CLPTM1L: variants seen among roughly 807,000 people sequenced by gnomAD.
CLPTM1L encodes lipid scramblase CLPTM1L.
A neutral mutation model predicts 70.9 loss-of-function variants in CLPTM1L; 38 were observed. The observed-to-expected ratio is 0.54, with a 90% CI of 0.41 to 0.70. CLPTM1L has a LOEUF of 0.70. Ranked by LOEUF, CLPTM1L falls within the 30% of genes least tolerant of loss-of-function variation. The pLI, the probability that CLPTM1L is intolerant of heterozygous loss-of-function variation, is 0.00. For synonymous variants in CLPTM1L, 339 were observed against 299.9 expected (o/e 1.13, Z -1.35); for missense variants, 652 against 705.9 (o/e 0.92, Z 0.87).
intron 10 of CLPTM1L, chr5:1,325,134 G>A (rs2126726363): frequency 4.6e-6 from 2 of 430,378 alleles, no homozygotes; most frequent in East Asian, 7.9e-5. Flanking sequence ...AGCCAACACT[G>A]CTCCGAACCA....
At chr5:1,337,338 A>G (rs1301359996) in intron 5 of CLPTM1L, among the ~76,000 whole-genome samples, 1 of 152,228 alleles carries the variant, frequency 6.6e-6, no homozygotes, top group Non-Finnish European at 1.5e-5. Flanking sequence ...CAAAGCAACT[A>G]TGGGAGAGCA....
Position 1,342,009 on chromosome 5 carries a change from C to CGTGT in CLPTM1L, c.264-153_264-150dup, listed in dbSNP as rs71598674. 4,822 of 502,528 alleles carry CGTGT rather than the reference C, an allele frequency of 9.6e-3. 27 individuals are homozygous for CGTGT. The highest frequency in any genetic ancestry group is 0.022 in the African/African-American group (889 of 40,166). The allele number at this position is 502,528 out of a possible 1,614,324, so 31.1% of individuals were successfully genotyped here. ...CCCACCTGCCCAGGGCTTTACGAGTCGTGTGTGTGTGTGTGTGTGTGTGTG... is the reference window on the plus strand; with the variant it reads ...CCCACCTGCCCAGGGCTTTACGAGTCGTGTGTGTGTGTGTGTGTGTGTGTGTGTG... On this transcript the variant is annotated intron_variant, in intron 2 of 16. Transcript: ENST00000320895. This position sits in a 1 kb window ranked among gnomAD's most constrained non-coding sequence, Gnocchi z 4.3.
intron 13 of CLPTM1L, among the ~76,000 whole-genome samples, chr5:1,322,473 G>A (rs1223426590): frequency 2.0e-5 from 3 of 152,354 alleles, no homozygotes; most frequent in East Asian, 3.9e-4. Context: ...GGAACCAGAC[G>A]TGGATGGTGT....
Position 1,344,548 on chromosome 5 carries a change from G to A in CLPTM1L, c.163-97C>T, listed in dbSNP as rs1754154032. Reference sequence around the variant, plus strand: ...CTGGAGGGCGGAAGACCTGGCCGCTGGGGAACCAGGAAAGGTTCCATCTCG... The same window carrying A: ...CTGGAGGGCGGAAGACCTGGCCGCTAGGGAACCAGGAAAGGTTCCATCTCG... On this transcript the variant is annotated intron_variant, in intron 1 of 16. Coordinates refer to ENST00000320895, the MANE Select transcript of CLPTM1L (RefSeq NM_030782.5). The A allele has an allele frequency of 7.6e-6, 11 of 1,452,194 alleles. No homozygotes were observed. In the South Asian group the frequency reaches 9.5e-5, roughly 13 times the overall value. The allele number at this position is 1,452,194 out of a possible 1,614,324, so 90.0% of individuals were successfully genotyped here. A position where few individuals can be genotyped will look rare whatever the true frequency, so the allele number is the denominator to read the frequency against.
At chr5:1,338,553 T>TA (rs753211097) in intron 4 of CLPTM1L, among the ~76,000 whole-genome samples, 40 of 152,292 alleles carry the variant, frequency 2.6e-4, no homozygotes, top group Admixed American at 1.2e-3. Flanking sequence ...TAAGCCAAGT[T>TA]AAAAAATCAC....
intron 5 of CLPTM1L, among the ~76,000 whole-genome samples, chr5:1,335,707 G>A (rs921343393): frequency 2.6e-5 from 4 of 152,242 alleles, no homozygotes; most frequent in Non-Finnish European, 5.9e-5. Context: ...GGGCAGTAGG[G>A]TGGATGTGTA....
At chr5:1,339,606 C>T (rs1329183265) in intron 3 of CLPTM1L, among the ~76,000 whole-genome samples, 3 of 108,324 alleles carry the variant, frequency 2.8e-5, no homozygotes, top group African/African-American at 8.1e-5. Context: ...GTGAAGAGAA[C>T]GGCCACACAG....
chr5:1,341,916 C>G, intron 2 of CLPTM1L, 56 bp from the exon 3 acceptor site: 1 of 1,403,848 alleles, frequency 7.1e-7, no homozygotes, highest in Non-Finnish European at 9.8e-7. Context: ...GTCTCTAGAA[C>G]CTATTCAAAT....
intron 16 of CLPTM1L, 194 bp downstream of exon 16, chr5:1,320,422 C>T (rs1010060293): frequency 8.0e-5 from 38 of 472,158 alleles, no homozygotes; most frequent in Non-Finnish European, 1.2e-4. Flanking sequence ...AGAGCTGGAA[C>T]AGTTTCTTGC....
rs1475413712 is a variant in CLPTM1L, at chr5:1,318,234, G to T, written c.*135C>A. 5 of 685,072 alleles carry T rather than the reference G, an allele frequency of 7.3e-6. No homozygotes were observed. The highest frequency in any genetic ancestry group is 1.3e-5 in the Non-Finnish European group (5 of 394,242). 42.4% of individuals were successfully genotyped at this position (685,072 alleles called of 1,614,324 possible). ...TCCAAATCTGACGTGATGGGAACTT[G>T]GGAGATGTCTGAGAAATGTCCGAAG... On this transcript the variant is annotated 3_prime_UTR_variant, in exon 17 of 17. Coordinates refer to ENST00000320895, the MANE Select transcript of CLPTM1L (RefSeq NM_030782.5). This position sits in a 1 kb window ranked among gnomAD's most constrained non-coding sequence, Gnocchi z 8.9.
At position 1,324,764 on chromosome 5, in the gene CLPTM1L, T is replaced by C. The variant is rs1425840831; in HGVS notation, c.1196A>G (p.Gln399Arg). ...SERKTEEYDT[Q>R]AMKYLSYLLY... ...TGCCCTGAATCACAAGTGACTTACC[T>C]GAGTATCGTACTCCTCGGTTTTCCT... Residue 399 changes from glutamine to arginine, a missense_variant and splice_region_variant, in exon 11 of 17, where the codon CAG (glutamine) becomes CGG (arginine). By Grantham distance (43) the Gln-to-Arg change is conservative. This residue lies in a region of CLPTM1L where 240 missense variants were observed against 295.0 expected (regional missense o/e 0.81). Coordinates refer to ENST00000320895, the MANE Select transcript of CLPTM1L (RefSeq NM_030782.5). The C allele has an allele frequency of 6.2e-7, 1 of 1,614,030 alleles. No homozygotes were observed. The highest frequency in any genetic ancestry group is 1.7e-5 in the Admixed American group (1 of 60,034).
At chr5:1,334,250 C>A (rs373598835) in intron 7 of CLPTM1L, 39 bp downstream of exon 7, 12 of 1,535,574 alleles carry the variant, frequency 7.8e-6, no homozygotes, top group Non-Finnish European at 1.1e-5. Flanking sequence ...CAGGGAGCCC[C>A]CCAAGTGCCT....
At chr5:1,336,447 A>G (rs1210355868) in intron 5 of CLPTM1L, among the ~76,000 whole-genome samples, 2 of 152,206 alleles carry the variant, frequency 1.3e-5, no homozygotes, top group African/African-American at 2.4e-5. Flanking sequence ...CTCTAACAAG[A>G]CAGATCTGCA....
In CLPTM1L at chr5:1,338,960, C is replaced by A. The variant is rs1294003308; in HGVS notation, c.499G>T (p.Val167Leu). 2 of 1,613,422 alleles carry A rather than the reference C, an allele frequency of 1.2e-6. No homozygotes were observed. The highest frequency in any genetic ancestry group is 1.7e-6 in the Non-Finnish European group (2 of 1,180,042). Reference protein sequence around the residue: ...KKPTSALDEPVSHWRPRLALN... With the variant: ...KKPTSALDEPLSHWRPRLALN... ...GCCAGCCGCGGTCGCCAGTGGGACA[C>A]TGGCTCATCCAGGGCACTCGTCGGC... The change falls in exon 4 of 17, where the codon GTG becomes TTG. Residue 167 changes from valine (V) to leucine (L), a missense_variant. By Grantham distance (32) the Val-to-Leu change is conservative (BLOSUM62 1). Around this residue, in one of 3 missense-constraint regions of CLPTM1L, gnomAD observed 402 missense variants for 388.2 expected, o/e 1.04. Transcript: ENST00000320895.
Position 1,344,738 on chromosome 5 carries a change from G to A in CLPTM1L, c.104C>T (p.Pro35Leu), listed in dbSNP as rs1235008628. 2.5e-6 allele frequency: 4 copies of A among 1,600,730 alleles called. No homozygotes were observed. Among genetic ancestry groups the A allele is most frequent in the East Asian group, 2.3e-5 (1 of 43,832 alleles). ...GATGCAGTTGGCGTCGCCGGAGCAC[G>A]GGCGGGTGTAGACGATGCCGTACAT... ...WVMYGIVYTR[P>L]CSGDANCIQP... Residue 35 changes from proline (P) to leucine (L), a missense_variant, in exon 1 of 17, where the codon CCG (proline) becomes CTG (leucine). By Grantham distance (98) the Pro-to-Leu change is moderately conservative. Coordinates refer to ENST00000320895, the MANE Select transcript of CLPTM1L (RefSeq NM_030782.5).
At position 1,342,091 on chromosome 5, in the gene CLPTM1L, C is replaced by T. The variant is rs1243152037; in HGVS notation, c.264-231G>A. Among the ~76,000 whole-genome samples, 1 of 151,810 alleles carries T rather than the reference C, an allele frequency of 6.6e-6. No homozygotes were observed. The highest frequency in any genetic ancestry group is 1.5e-5 in the Non-Finnish European group (1 of 67,996). ...AACTCGGCACAGGTGTGGGCGCCTA[C>T]AGCCGAAAGCAAAACGGCCCGCACT... is the stretch of plus-strand genomic sequence containing the variant. On this transcript the variant is annotated intron_variant, in intron 2 of 16. Transcript: ENST00000320895. This position sits in a 1 kb window ranked among gnomAD's most constrained non-coding sequence, Gnocchi z 4.3.
At chr5:1,327,276 T>C (rs572175702) in intron 9 of CLPTM1L, among the ~76,000 whole-genome samples, 13 of 144,612 alleles carry the variant, frequency 9.0e-5, no homozygotes, top group East Asian at 2.1e-4. Context: ...GCTCCTCCTC[T>C]ACAGGGACAT....
At chr5:1,323,031 AG>A in intron 12 of CLPTM1L, 120 bp from the exon 13 acceptor site, 1 of 978,930 alleles carries the variant, frequency 1.0e-6, no homozygotes, top group Non-Finnish European at 1.6e-6. Flanking sequence ...CTCTCACGGC[AG>A]CTCGGCAGCC....
At position 1,318,439 on chromosome 5, in the gene CLPTM1L, T is replaced by C. The variant is rs1379972564; in HGVS notation, c.1547A>G (p.Asp516Gly). 1 of 1,613,644 alleles carries C rather than the reference T, an allele frequency of 6.2e-7. No individual in the cohort carries two copies. Among genetic ancestry groups the C allele is most frequent in the Non-Finnish European group, 8.5e-7 (1 of 1,179,972 alleles). The stretch of plus-strand genomic sequence containing the variant: ...CCCAAACTCGTTCACTCTGCGTTTA[T>C]CCACAGGATAAAGCCTGCAATGACA... ...YLYQRWLYPV[D>G]KRRVNEFGES... Residue 516 changes from aspartate (D) to glycine (G), a missense_variant, in exon 17 of 17, where the codon GAT becomes GGT. Around this residue, in one of 3 missense-constraint regions of CLPTM1L, gnomAD observed 240 missense variants for 295.0 expected, o/e 0.81. Transcript: ENST00000320895. The surrounding 1 kb of genome is among the most constrained non-coding windows in gnomAD (Gnocchi z 8.9).
Sources: allele counts gnomAD v4.1 joint callset (sites outside exome capture counted in the v4.1 genomes callset), GRCh38; gene constraint gnomAD v4.1.1; regional missense constraint gnomAD v4.1.1; non-coding constraint Gnocchi (gnomAD v3.1); transcripts MANE v1.5; gene names NCBI Gene and HGNC (gene_info 2026-07-23, HGNC 2026-07-21).